ROR1: variants seen among roughly 807,000 people sequenced by gnomAD.
ROR1 encodes the protein ROR family WNT receptor 1.
A neutral mutation model predicts 78.8 loss-of-function variants in ROR1; 19 were observed. The observed-to-expected ratio is 0.24, with a 90% CI of 0.17 to 0.35. The LOEUF is 0.35. Among genes scored for constraint, ROR1 ranks in the 10% least tolerant of loss-of-function variants. The pLI is 1.00. For missense variants in ROR1, 917 were observed against 1,177.8 expected (o/e 0.78, Z 3.24); for synonymous variants, 386 against 433.6 (o/e 0.89, Z 1.36).
chr1:63,957,031 G>A (rs1645987942), intron 1 of ROR1, among the ~76,000 whole-genome samples: 1 of 152,186 alleles, frequency 6.6e-6, no homozygotes, highest in Admixed American at 6.5e-5. Context: ...ATCTGGACTT[G>A]ACATCCTCTG....
intron 1 of ROR1, among the ~76,000 whole-genome samples, chr1:63,829,965 A>C (rs1254816633): frequency 6.6e-6 from 1 of 152,136 alleles, no homozygotes. Context: ...CCATGAAATT[A>C]GCTTAAATTC....
At position 63,923,410 on chromosome 1, in the gene ROR1, G is replaced by C. The variant is rs993435726; in HGVS notation, c.92-85895G>C. On this transcript the variant is annotated intron_variant, in intron 1 of 8. Transcript: ENST00000371079. ...AGTACTCCGTTCTCTGAGTTGTGAG[G>C]GTTAATTGAGCCAGTGGTGCCAGAT... Among the ~76,000 whole-genome samples, 10 of 152,044 alleles carry C rather than the reference G, an allele frequency of 6.6e-5. 1 individual carries two copies. The highest frequency in any genetic ancestry group is 2.2e-4 in the African/African-American group (9 of 41,424).
At chr1:64,053,654 T>C (rs546981034) in intron 4 of ROR1, among the ~76,000 whole-genome samples, 351 of 152,286 alleles carry the variant, frequency 2.3e-3, no homozygotes, top group Non-Finnish European at 3.5e-3. Context: ...CAAATATACC[T>C]TTTTAACGTT....
At chr1:64,016,191 C>G (rs992299560) in intron 2 of ROR1, among the ~76,000 whole-genome samples, 1 of 152,122 alleles carries the variant, frequency 6.6e-6, no homozygotes, top group Admixed American at 6.5e-5. Context: ...AATCCTTGTT[C>G]TGGCTGCATT....
intron 1 of ROR1, among the ~76,000 whole-genome samples, chr1:63,992,277 G>A (rs1424353793): frequency 4.6e-5 from 7 of 151,644 alleles, no homozygotes; most frequent in African/African-American, 7.3e-5. Context: ...GTGCAATCTC[G>A]GCTCACTGCA....
intron 1 of ROR1, among the ~76,000 whole-genome samples, chr1:63,819,086 TCAGA>T (rs1644909331): frequency 6.6e-6 from 1 of 152,166 alleles, no homozygotes; most frequent in Non-Finnish European, 1.5e-5. Context: ...AGGATCCTTG[TCAGA>T]CAGTTTCCAG....
intron 4 of ROR1, among the ~76,000 whole-genome samples, chr1:64,063,483 G>A (rs1472851686): frequency 6.6e-6 from 1 of 152,186 alleles, no homozygotes; most frequent in Non-Finnish European, 1.5e-5. Flanking sequence ...AGTGGAATGT[G>A]CAGGTTTCTT....
intron 1 of ROR1, among the ~76,000 whole-genome samples, chr1:63,846,342 G>A (rs1308321152): frequency 1.3e-5 from 2 of 152,032 alleles, no homozygotes; most frequent in Non-Finnish European, 2.9e-5. Flanking sequence ...CACCTGCGCG[G>A]TCTCTGGCTT....
chr1:64,165,701 C>CTTTTT (rs576997668), intron 8 of ROR1, among the ~76,000 whole-genome samples: 14 of 102,884 alleles, frequency 1.4e-4, no homozygotes, highest in East Asian at 2.8e-4. Flanking sequence ...TCGGGTTTTA[C>CTTTTT]TTTTTTTTTT....
chr1:63,938,658 A>G (rs1213374111), intron 1 of ROR1, among the ~76,000 whole-genome samples: 1 of 152,170 alleles, frequency 6.6e-6, no homozygotes, highest in East Asian at 1.9e-4. Flanking sequence ...GGTAGGTTTC[A>G]AATTTTTGTT....
intron 1 of ROR1, chr1:63,775,359 A>G (rs1449613118): frequency 6.6e-6 from 1 of 152,152 alleles, no homozygotes; most frequent in Non-Finnish European, 1.5e-5. Context: ...GCCGGTACAC[A>G]ATGAGAGGGA....
intron 1 of ROR1, among the ~76,000 whole-genome samples, chr1:63,887,224 A>AT (rs1294255814): frequency 0.026 from 932 of 36,496 alleles, 14 homozygotes; most frequent in African/African-American, 0.049. Context: ...GCGTTTTGGG[A>AT]TGGGGGGGTT....
In ROR1 at chr1:63,918,301, C is replaced by A. The variant is rs561724733; in HGVS notation, c.92-91004C>A. The stretch of plus-strand genomic sequence containing the variant: ...CGCACTGAATGCTTGGTATGAGCAG[C>A]ACATCATACGACAGGAATCTCACAA... On this transcript the variant is annotated intron_variant, in intron 1 of 8. Coordinates refer to ENST00000371079, the MANE Select transcript of ROR1 (RefSeq NM_005012.4). 1.3e-4 allele frequency among the ~76,000 whole-genome samples: 20 copies of A among 152,310 alleles called. No homozygotes were observed. The South Asian group carries it at 3.7e-3, about 28-fold the overall frequency.
intron 2 of ROR1, among the ~76,000 whole-genome samples, chr1:64,018,885 G>A (rs1646542111): frequency 6.6e-6 from 1 of 152,128 alleles, no homozygotes; most frequent in Non-Finnish European, 1.5e-5. Flanking sequence ...GGAGAGACCC[G>A]GGTTCGTTGA....
Position 63,883,036 on chromosome 1 carries a change from C to T in ROR1, c.91+108528C>T, listed in dbSNP as rs769549070. ...CATTTCTGGAAAGCAAATTTCAGCTCAGGTTCTCAATGAAGCCTCCAATGA... is the reference window on the plus strand; with the variant it reads ...CATTTCTGGAAAGCAAATTTCAGCTTAGGTTCTCAATGAAGCCTCCAATGA... On this transcript the variant is annotated intron_variant, in intron 1 of 8. Transcript: ENST00000371079. Among the ~76,000 whole-genome samples, 15 of 152,190 alleles carry T rather than the reference C, an allele frequency of 9.9e-5. 1 individual carries two copies. The highest frequency in any genetic ancestry group is 2.0e-4 in the Admixed American group (3 of 15,284).
chr1:63,849,164 T>C (rs1645099212), intron 1 of ROR1, among the ~76,000 whole-genome samples: 1 of 152,236 alleles, frequency 6.6e-6, no homozygotes, highest in Non-Finnish European at 1.5e-5. Context: ...TAATTAATGA[T>C]GCCTTTCAGG....
chr1:64,053,283 A>C (rs1246929376), intron 4 of ROR1, among the ~76,000 whole-genome samples: 1 of 152,184 alleles, frequency 6.6e-6, no homozygotes, highest in East Asian at 1.9e-4. Flanking sequence ...GCTGAGGTCC[A>C]CTGAGGCAAC....
intron 2 of ROR1, among the ~76,000 whole-genome samples, chr1:64,048,545 T>C (rs1482763611): frequency 1.3e-5 from 2 of 151,996 alleles, no homozygotes; most frequent in South Asian, 2.1e-4. Flanking sequence ...GAAGGGGTGC[T>C]TAGGAAAAAT....
At position 64,009,513 on chromosome 1, in the gene ROR1, C is replaced by T. The variant is rs1646458721; in HGVS notation, c.163+137C>T. 3 of 652,274 alleles carry T rather than the reference C, an allele frequency of 4.6e-6. No individual in the cohort carries two copies. In the South Asian group the frequency reaches 5.9e-5, roughly 13 times the overall value. The allele number at this position is 652,274 out of a possible 1,614,324, so 40.4% of individuals were successfully genotyped here. A position where few individuals can be genotyped will look rare whatever the true frequency, so the allele number is the denominator to read the frequency against. The stretch of plus-strand genomic sequence containing the variant: ...GGGGCCAAAATAAATCCCCAGCTTA[C>T]TTTGTGATCATTTAACATTGAATTA... On this transcript the variant is annotated intron_variant, in intron 2 of 8. Transcript: ENST00000371079.
Sources: allele counts gnomAD v4.1 joint callset (sites outside exome capture counted in the v4.1 genomes callset), GRCh38; gene constraint gnomAD v4.1.1; transcripts MANE v1.5; gene names NCBI Gene and HGNC (gene_info 2026-07-23, HGNC 2026-07-21).